Variants in XPNPEP1 observed in about 807,000 individuals in gnomAD.
XPNPEP1 encodes the protein X-prolyl aminopeptidase 1, also known as xaa-Pro aminopeptidase 1.
Under a neutral mutation model 92.4 loss-of-function variants are expected in XPNPEP1, and 39 were observed. The observed-to-expected ratio is 0.42, with a 90% CI of 0.33 to 0.55. XPNPEP1 has a LOEUF of 0.55. Among genes scored for constraint, XPNPEP1 ranks in the 20% least tolerant of loss-of-function variants. XPNPEP1 has a pLI of 0.08. For synonymous variants in XPNPEP1, 307 were observed against 299.4 expected, an observed-to-expected ratio of 1.03 and a Z score of -0.26; for missense variants, 654 against 856.1, an observed-to-expected ratio of 0.76 and a Z score of 2.95.
chr10:109,869,835 A>G (rs1194163889), intron 19 of XPNPEP1, 118 bp downstream of exon 19: 1 of 1,011,066 alleles, frequency 9.9e-7, no homozygotes, highest in Non-Finnish European at 1.5e-6. Context: ...ATCTTCCCAC[A>G]CTAAGAAACA....
intron 2 of XPNPEP1, among the ~76,000 whole-genome samples, chr10:109,914,337 T>C (rs1850051695): frequency 6.6e-6 from 1 of 152,150 alleles, no homozygotes; most frequent in African/African-American, 2.4e-5. Flanking sequence ...ATGATCAAAA[T>C]TGAAAGCTAA....
chr10:109,904,999 G>T (rs1448765948), intron 3 of XPNPEP1, among the ~76,000 whole-genome samples: 4 of 151,462 alleles, frequency 2.6e-5, no homozygotes, highest in African/African-American at 9.7e-5. Flanking sequence ...GCCAAGAGGT[G>T]GAAAAAACTG....
intron 1 of XPNPEP1, among the ~76,000 whole-genome samples, chr10:109,915,641 T>C (rs1479440555): frequency 1.3e-5 from 2 of 152,228 alleles, no homozygotes; most frequent in African/African-American, 4.8e-5. Flanking sequence ...ATAGAGGCTA[T>C]TTATCTATGA....
rs1848054962 is a variant in XPNPEP1 at position 109,880,895 on chromosome 10, T to C, written c.1078A>G (p.Ile360Val). Residue 360 changes from isoleucine to valine, a missense_variant, in exon 11 of 21, where the codon ATC becomes GTC. By Grantham distance (29) the Ile-to-Val change is conservative. Transcript: ENST00000502935. The stretch of plus-strand genomic sequence containing the variant: ...GCTGAATTCTTCACAGCTTTGGCGA[T>C]GCAGATGGGGGTGTAAGGCATACAG... ...RCCMPYTPICIAKAVKNSAES... is the reference protein window; with the variant it reads ...RCCMPYTPICVAKAVKNSAES... 1.2e-6 allele frequency: 2 copies of C among 1,614,090 alleles called. No homozygotes were observed. The highest frequency in any genetic ancestry group is 2.2e-5 in the East Asian group (1 of 44,878).
intron 7 of XPNPEP1, 120 bp from the exon 8 acceptor site, chr10:109,886,461 T>A: frequency 1.1e-6 from 1 of 900,616 alleles, no homozygotes; most frequent in Non-Finnish European, 1.7e-6. Flanking sequence ...GCACGCTACT[T>A]AAACAGGCAG....
chr10:109,880,126 A>G (rs1304374775), intron 12 of XPNPEP1, 62 bp downstream of exon 12: 2 of 1,535,158 alleles, frequency 1.3e-6, no homozygotes, highest in Non-Finnish European at 1.8e-6. Context: ...TAGAGTTAGA[A>G]TCACATATAG....
intron 9 of XPNPEP1, 115 bp downstream of exon 9, chr10:109,883,952 A>C: frequency 2.3e-6 from 2 of 879,258 alleles, no homozygotes; most frequent in Non-Finnish European, 3.4e-6. Flanking sequence ...GGGCAAGAAA[A>C]AAGAAGCACA....
At chr10:109,890,593 TGAGAGAGAGAGAGAGAGA>T (rs34618002) in intron 5 of XPNPEP1, among the ~76,000 whole-genome samples, 1 of 104,106 alleles carries the variant, frequency 9.6e-6, no homozygotes, top group South Asian at 4.2e-4. Flanking sequence ...TGTGTGTGTG[TGAGAGAGAGAGAGAGAGA>T]GAGAGAGAGA....
chr10:109,891,938 G>A (rs1458727416), intron 4 of XPNPEP1, 112 bp from the exon 5 acceptor site: 6 of 905,460 alleles, frequency 6.6e-6, no homozygotes, highest in African/African-American at 1.7e-5. Context: ...AGCTCCTAGT[G>A]GGGCAGATGG....
At chr10:109,895,425 C>G (rs1056443723) in intron 3 of XPNPEP1, among the ~76,000 whole-genome samples, 4 of 152,242 alleles carry the variant, frequency 2.6e-5, no homozygotes, top group African/African-American at 9.6e-5. Context: ...AAGAGTTCCT[C>G]CAAAGGGAGG....
chr10:109,891,077 C>T (rs762466970), intron 5 of XPNPEP1, among the ~76,000 whole-genome samples: 2 of 152,168 alleles, frequency 1.3e-5, no homozygotes, highest in East Asian at 3.8e-4. Flanking sequence ...AAAGTACACA[C>T]GGCAGAAAAT....
At position 109,877,831 on chromosome 10, in the gene XPNPEP1, T is replaced by C. The variant is rs1847867295; in HGVS notation, c.1278A>G (p.Thr426=). ...QADFVDLSFP[T]ISSTGPNGAI... The stretch of plus-strand genomic sequence containing the variant: ...CGCCGTTGGGTCCCGTACTGGAAAT[T>C]GTTGGGAAGCTCAGGTCCACAAAGT... The change falls in exon 14 of 21, where the codon ACA becomes ACG. Residue 426 remains threonine, a synonymous_variant. Coordinates refer to ENST00000502935, the MANE Select transcript of XPNPEP1 (RefSeq NM_020383.4). 3 of 1,614,232 alleles carry C rather than the reference T, an allele frequency of 1.9e-6. No individual in the cohort carries two copies. Among genetic ancestry groups the C allele is most frequent in the Non-Finnish European group, 2.5e-6 (3 of 1,180,032 alleles).
chr10:109,879,182 C>T (rs1194948211), intron 12 of XPNPEP1, among the ~76,000 whole-genome samples: 1 of 151,868 alleles, frequency 6.6e-6, no homozygotes, highest in African/African-American at 2.4e-5. Context: ...ACGGAGCTTG[C>T]AGTGAGCCGA....
chr10:109,915,128 AG>A, intron 1 of XPNPEP1, 29 bp from the exon 2 acceptor site: 1 of 1,429,814 alleles, frequency 7.0e-7, no homozygotes, highest in Non-Finnish European at 9.4e-7. Flanking sequence ...AGGAAGTTGC[AG>A]ACTTTGACCA....
At chr10:109,921,698 C>A (rs1420109607) in intron 1 of XPNPEP1, among the ~76,000 whole-genome samples, 1 of 152,206 alleles carries the variant, frequency 6.6e-6, no homozygotes, top group East Asian at 1.9e-4. Context: ...TTGATGGGAA[C>A]CTTGGTTTTC....
intron 8 of XPNPEP1, among the ~76,000 whole-genome samples, chr10:109,884,766 G>A (rs1457274954): frequency 6.6e-6 from 1 of 152,242 alleles, no homozygotes; most frequent in Non-Finnish European, 1.5e-5. Flanking sequence ...CCTGCGGACA[G>A]CCAGTAACAG....
intron 3 of XPNPEP1, among the ~76,000 whole-genome samples, chr10:109,907,264 A>T (rs1489900791): frequency 6.6e-6 from 1 of 152,172 alleles, no homozygotes; most frequent in South Asian, 2.1e-4. Context: ...ACACTTGCTG[A>T]CTCAATGACT....
At chr10:109,896,175 T>G (rs1848974851) in intron 3 of XPNPEP1, among the ~76,000 whole-genome samples, 1 of 152,174 alleles carries the variant, frequency 6.6e-6, no homozygotes, top group Non-Finnish European at 1.5e-5. Context: ...AGATCAAATA[T>G]CACCTCTACA....
intron 2 of XPNPEP1, among the ~76,000 whole-genome samples, chr10:109,913,086 A>C (rs1849968764): frequency 6.6e-6 from 1 of 152,234 alleles, no homozygotes; most frequent in Non-Finnish European, 1.5e-5. Flanking sequence ...TCCACGATGA[A>C]ACATTAGCCC....
Sources: allele counts gnomAD v4.1 joint callset (sites outside exome capture counted in the v4.1 genomes callset), GRCh38; gene constraint gnomAD v4.1.1; transcripts MANE v1.5; gene names NCBI Gene and HGNC (gene_info 2026-07-23, HGNC 2026-07-21).